The following IL20RB variants were observed in gnomAD, a reference collection of about 807,000 sequenced individuals.
IL20RB encodes interleukin-20 receptor subunit beta.
A neutral mutation model predicts 33.3 loss-of-function variants in IL20RB; 21 were observed. The ratio of observed to expected loss-of-function variants is 0.63; its 90% CI spans 0.45 to 0.91. The LOEUF (loss-of-function observed/expected upper bound fraction) is 0.91, where lower values mean the gene tolerates loss of function less well. Among genes scored for constraint, IL20RB ranks in the 40% least tolerant of loss-of-function variants. The pLI is 0.00. For synonymous variants in IL20RB, 147 were observed against 146.8 expected (o/e 1.00, Z -0.01); for missense variants, 345 against 384.8 (o/e 0.90, Z 0.86).
At chr3:136,991,880 G>A in intron 4 of IL20RB, 58 bp from the exon 5 acceptor site, 1 of 1,583,464 alleles carries the variant, frequency 6.3e-7, no homozygotes, top group African/African-American at 1.3e-5. Flanking sequence ...AAAGTGCTGG[G>A]ATTATAGGCG....
At chr3:136,969,225 C>G (rs1460050112) in intron 1 of IL20RB, 1 of 79,932 alleles carries the variant, frequency 1.3e-5, no homozygotes, top group Non-Finnish European at 2.3e-5. Flanking sequence ...TGGGCTCCAC[C>G]CAGTTCGAGC....
intron 3 of IL20RB, among the ~76,000 whole-genome samples, chr3:136,983,022 T>C (rs1169127266): frequency 6.6e-6 from 1 of 151,714 alleles, no homozygotes; most frequent in Non-Finnish European, 1.5e-5. Context: ...GTGAAGGGCT[T>C]TGACACGAAG....
intron 6 of IL20RB, among the ~76,000 whole-genome samples, chr3:136,997,652 G>C (rs1942157945): frequency 6.9e-6 from 1 of 145,638 alleles, no homozygotes; most frequent in African/African-American, 2.5e-5. Context: ...AAATCTATCT[G>C]TATATTTATA....
chr3:136,958,256 A>C, intron 1 of IL20RB, 55 bp downstream of exon 1: 1 of 1,089,344 alleles, frequency 9.2e-7, no homozygotes, highest in Non-Finnish European at 1.4e-6. Flanking sequence ...TAGGTTAAGA[A>C]GGCAAAAAAT....
intron 1 of IL20RB, among the ~76,000 whole-genome samples, chr3:136,972,605 GTC>G (rs1269775123): frequency 6.6e-6 from 1 of 152,068 alleles, no homozygotes; most frequent in Non-Finnish European, 1.5e-5. Context: ...GTTCATAACA[GTC>G]TCTGATGATT....
chr3:136,982,309 C>T lies in IL20RB; in HGVS notation c.365C>T (p.Ser122Leu), dbSNP rs1435262598. The T allele has an allele frequency of 6.2e-7, 1 of 1,607,246 alleles. No individual in the cohort carries two copies. The highest frequency in any genetic ancestry group is 1.7e-5 in the Admixed American group (1 of 59,860). ...AGGGCCACATTGGGCTCACAGACCT[C>T]AGCCTGGAGCATCCTGAAGCATCCC... ...RVRATLGSQTSAWSILKHPFN... is the reference protein window; with the variant it reads ...RVRATLGSQTLAWSILKHPFN... Residue 122 changes from serine to leucine, a missense_variant, in exon 3 of 7, where the codon TCA becomes TTA. Coordinates refer to ENST00000329582, the MANE Select transcript of IL20RB (RefSeq NM_144717.4).
chr3:137,002,034 C>T (rs1260413977), intron 6 of IL20RB, among the ~76,000 whole-genome samples: 3 of 152,122 alleles, frequency 2.0e-5, no homozygotes, highest in African/African-American at 7.2e-5. Flanking sequence ...GTTTGGTTTT[C>T]CGTCCTTGTG....
intron 5 of IL20RB, among the ~76,000 whole-genome samples, chr3:136,992,959 T>C (rs1204956178): frequency 6.6e-6 from 1 of 152,236 alleles, no homozygotes; most frequent in East Asian, 1.9e-4. Flanking sequence ...TTCACAAATA[T>C]CATATCCATA....
intron 6 of IL20RB, among the ~76,000 whole-genome samples, chr3:137,005,215 A>G (rs1201603405): frequency 6.6e-6 from 1 of 152,102 alleles, no homozygotes; most frequent in African/African-American, 2.4e-5. Context: ...TAAGTGCGAT[A>G]TGGTGCTGAG....
intron 1 of IL20RB, among the ~76,000 whole-genome samples, chr3:136,970,582 T>C (rs1454725539): frequency 6.6e-6 from 1 of 152,214 alleles, no homozygotes; most frequent in Non-Finnish European, 1.5e-5. Flanking sequence ...CCTCTCACTT[T>C]ATAATTAAAA....
chr3:137,005,441 G>A (rs1391017586), intron 6 of IL20RB, among the ~76,000 whole-genome samples: 1 of 152,174 alleles, frequency 6.6e-6, no homozygotes, highest in Admixed American at 6.5e-5. Flanking sequence ...TTATGAATCT[G>A]GGTGCTCCTG....
At chr3:137,005,172 G>A (rs1352121037) in intron 6 of IL20RB, among the ~76,000 whole-genome samples, 1 of 152,200 alleles carries the variant, frequency 6.6e-6, no homozygotes, top group Non-Finnish European at 1.5e-5. Context: ...GCTGAGGAGT[G>A]CTTTACTTCC....
chr3:137,009,317 A>G (rs1933019701), intron 6 of IL20RB, among the ~76,000 whole-genome samples: 2 of 152,140 alleles, frequency 1.3e-5, no homozygotes, highest in African/African-American at 4.8e-5. Context: ...TAGGTGGGAG[A>G]GTCCACCTGA....
At chr3:136,991,873 G>T in intron 4 of IL20RB, 65 bp from the exon 5 acceptor site, 1 of 1,561,238 alleles carries the variant, frequency 6.4e-7, no homozygotes, top group Non-Finnish European at 8.7e-7. Flanking sequence ...GGCTCCCAAA[G>T]TGCTGGGATT....
At position 136,991,673 on chromosome 3, in the gene IL20RB, A is replaced by G. The variant is rs372100233; in HGVS notation, c.532-265A>G. 1.9e-3 allele frequency among the ~76,000 whole-genome samples: 287 copies of G among 152,234 alleles called. 2 individuals carry two copies. The Middle Eastern group carries it at 0.02, about 11-fold the overall frequency. On this transcript the variant is annotated intron_variant, in intron 4 of 6. Coordinates refer to ENST00000329582, the MANE Select transcript of IL20RB (RefSeq NM_144717.4). ...GCCCAAGCTGGAGTGCAGTGGCACGATCTCGGATCACTGCAACTTCTGCCT... is the reference window on the plus strand; with the variant it reads ...GCCCAAGCTGGAGTGCAGTGGCACGGTCTCGGATCACTGCAACTTCTGCCT...
intron 3 of IL20RB, among the ~76,000 whole-genome samples, chr3:136,983,336 C>G (rs1327874602): frequency 6.6e-6 from 1 of 152,214 alleles, no homozygotes; most frequent in Non-Finnish European, 1.5e-5. Context: ...CATCTGCCCA[C>G]TTCGGCCTCC....
chr3:136,981,201 T>G (rs1252396282), intron 2 of IL20RB, among the ~76,000 whole-genome samples: 5 of 152,128 alleles, frequency 3.3e-5, no homozygotes, highest in Non-Finnish European at 5.9e-5. Flanking sequence ...AGGATACAGA[T>G]GATAAATATA....
Position 136,982,254 on chromosome 3 carries a change from A to G in IL20RB, c.310A>G (p.Thr104Ala), listed in dbSNP as rs201412384. Reference sequence around the variant, plus strand: ...TGAGTGTGATGTCACTGATGACATCACGGCCACTGTGCCATACAACCTTCG... The same window carrying G: ...TGAGTGTGATGTCACTGATGACATCGCGGCCACTGTGCCATACAACCTTCG... The part of the protein sequence containing the change: ...GPECDVTDDI[T>A]ATVPYNLRVR... The change falls in exon 3 of 7, where the codon ACG becomes GCG. Residue 104 changes from threonine (T) to alanine (A), a missense_variant. By Grantham distance (58) the Thr-to-Ala change is moderately conservative (BLOSUM62 0). Coordinates refer to ENST00000329582, the MANE Select transcript of IL20RB (RefSeq NM_144717.4). 2 of 1,612,272 alleles carry G rather than the reference A, an allele frequency of 1.2e-6. No homozygotes were observed. The highest frequency in any genetic ancestry group is 4.5e-5 in the East Asian group (2 of 44,808).
Position 136,995,438 on chromosome 3 carries a change from C to T in IL20RB, c.707C>T (p.Ala236Val). 1 of 1,614,138 alleles carries T rather than the reference C, an allele frequency of 6.2e-7. No homozygotes were observed. ...GGAGAGGCCATTCCCCTGGTACTGG[C>T]CCTGTTTGCCTTTGTTGGCTTCATG... ...VQGEAIPLVL[A>V]LFAFVGFMLI... is the part of the protein sequence containing the mutation. The change falls in exon 6 of 7, where the codon GCC (alanine) becomes GTC (valine). Residue 236 changes from alanine to valine, a missense_variant. Coordinates refer to ENST00000329582, the MANE Select transcript of IL20RB (RefSeq NM_144717.4).
Sources: gnomAD v4.1 joint callset for allele counts (sites outside exome capture counted in the v4.1 genomes callset) on GRCh38, gnomAD v4.1.1 for gene constraint, MANE v1.5 for transcripts, NCBI Gene and HGNC (gene_info 2026-07-23, HGNC 2026-07-21) for gene names.